Variants in GAREM2 observed in about 807,000 individuals in gnomAD.
The protein encoded by GAREM2 is GRB2-associated and regulator of MAPK protein 2.
GAREM2 carries 30 observed loss-of-function variants against 55.6 expected under a neutral mutation model. The observed-to-expected ratio is 0.54, with a 90% CI of 0.40 to 0.73. The LOEUF is 0.73. Ranked by LOEUF, GAREM2 falls within the 30% of genes least tolerant of loss-of-function variation. GAREM2 has a pLI of 0.00. For missense variants in GAREM2, 1,075 were observed against 1,257.7 expected (o/e 0.85, Z 2.20); for synonymous variants, 550 against 569.1 (o/e 0.97, Z 0.48).
chr2:26,176,536 G>C (rs1668871921), intron 2 of GAREM2, 52 bp downstream of exon 2: 2 of 1,427,314 alleles, frequency 1.4e-6, no homozygotes, highest in South Asian at 1.5e-5. Flanking sequence ...GTGTAGGCAG[G>C]AGGGACTGGG....
At position 26,187,889 on chromosome 2, in the gene GAREM2, G is replaced by A; in HGVS notation, c.2257G>A (p.Val753Ile). Residue 753 changes from valine (V) to isoleucine (I), a missense_variant, in exon 6 of 6, where the codon GTC becomes ATC. Val to Ile is a conservative substitution (Grantham distance 29). Around this residue, in one of 6 missense-constraint regions of GAREM2, gnomAD observed 142 missense variants for 172.3 expected, o/e 0.82. Transcript: ENST00000401533. The stretch of plus-strand genomic sequence containing the variant: ...GCCTGAAGGTTTGGTGCTGCACCAG[G>A]TCCCCACCCCACTGTCACCAGCTGC... ...FEPEGLVLHQVPTPLSPAALQ... is the reference protein window; with the variant it reads ...FEPEGLVLHQIPTPLSPAALQ... The A allele has an allele frequency of 7.0e-7, 1 of 1,438,360 alleles. No homozygotes were observed. The highest frequency in any genetic ancestry group is 1.5e-5 in the South Asian group (1 of 65,692). 89.1% of individuals were successfully genotyped at this position (1,438,360 alleles called of 1,614,324 possible).
Position 26,184,940 on chromosome 2 carries a change from G to C in GAREM2, c.1092G>C (p.Ala364=). The C allele has an allele frequency of 7.8e-7, 1 of 1,289,656 alleles. No individual in the cohort carries two copies. The highest frequency in any genetic ancestry group is 9.8e-7 in the Non-Finnish European group (1 of 1,020,512). The allele number at this position is 1,289,656 out of a possible 1,614,324, so 79.9% of individuals were successfully genotyped here. Residue 364 remains alanine, a synonymous_variant, in exon 4 of 6, where the codon GCG becomes GCC. Coordinates refer to ENST00000401533, the MANE Select transcript of GAREM2 (RefSeq NM_001168241.2). ...PDEYSTAVRE[A]PAELAEDCAS... The stretch of plus-strand genomic sequence containing the variant: ...AGTACTCCACGGCCGTGCGCGAGGC[G>C]CCAGCGGAGCTCGCCGAAGACTGCG...
At position 26,188,412 on chromosome 2, in the gene GAREM2, TGTG is replaced by T. The variant is rs140751160; in HGVS notation, c.*158_*160del. The T allele has an allele frequency of 8.0e-3, 4,369 of 544,808 alleles. 38 individuals are homozygous for T. The highest frequency in any genetic ancestry group is 0.011 in the Non-Finnish European group (3,643 of 326,686). 33.7% of individuals were successfully genotyped at this position (544,808 alleles called of 1,614,324 possible). A position where few individuals can be genotyped will look rare whatever the true frequency, so the allele number is the denominator to read the frequency against. On this transcript the variant is annotated 3_prime_UTR_variant, in exon 6 of 6. Transcript: ENST00000401533. ...GATCCAGGGGAGATGCATGTGGAAA[TGTG>T]GTCCTCTGGGGTCAGACCCCTGCAC...
the GAREM2 span, chr2:26,195,188 C>T: frequency 4.3e-6 from 7 of 1,611,984 alleles, no homozygotes; most frequent in South Asian, 7.7e-5. Flanking sequence ...TAATCTCCAG[C>T]AGCTGCATCT....
chr2:26,176,423 T>C lies in GAREM2; in HGVS notation c.192T>C (p.His64=), dbSNP rs1370489280. The C allele has an allele frequency of 1.3e-5, 20 of 1,550,374 alleles. No individual in the cohort carries two copies. The highest frequency in any genetic ancestry group is 1.7e-5 in the Non-Finnish European group (19 of 1,146,360). The part of the protein sequence containing the change: ...SCRQWTTVTA[H]TLEEGHYVIG... ...GGCAGTGGACAACGGTGACAGCTCA[T>C]ACCCTGGAGGAGGGCCACTATGTCA... Residue 64 remains histidine (H), a synonymous_variant, in exon 2 of 6, where the codon CAT becomes CAC. Coordinates refer to ENST00000401533, the MANE Select transcript of GAREM2 (RefSeq NM_001168241.2).
In GAREM2 at chr2:26,179,136, C is replaced by T. The variant is rs903825190; in HGVS notation, c.253+2652C>T. Among the ~76,000 whole-genome samples, 6 of 152,260 alleles carry T rather than the reference C, an allele frequency of 3.9e-5. No homozygotes were observed. The highest frequency in any genetic ancestry group is 4.8e-5 in the African/African-American group (2 of 41,556). ...GCGGGGTGACTCGGTCTCCAGGCTG[C>T]GGCGCTCTGCTCCGGGAGTCAGGGA... On this transcript the variant is annotated intron_variant, in intron 2 of 5. Coordinates refer to ENST00000401533, the MANE Select transcript of GAREM2 (RefSeq NM_001168241.2). This position sits in a 1 kb window ranked among gnomAD's most constrained non-coding sequence, Gnocchi z 4.7.
rs553396157 is a variant in GAREM2 at position 26,186,929 on chromosome 2, T to G, written c.1599-302T>G. Among the ~76,000 whole-genome samples the G allele has an allele frequency of 4.3e-4, 65 of 152,220 alleles. 1 individual carries two copies. The South Asian group carries it at 0.012, about 27-fold the overall frequency. ...GGTGGAGGTTGCAGTGAGCCAAGAT[T>G]GCACCACTGCACTCCAGCCTGGGCA... On this transcript the variant is annotated intron_variant, in intron 5 of 5. Coordinates refer to ENST00000401533, the MANE Select transcript of GAREM2 (RefSeq NM_001168241.2).
downstream of GAREM2, chr2:26,194,431 G>C: frequency 1.4e-6 from 1 of 719,958 alleles, no homozygotes; most frequent in Non-Finnish European, 2.6e-6. Context: ...TGTGCAGAGA[G>C]AGGGCACCAG....
At chr2:26,183,204 G>A (rs886784428) in intron 3 of GAREM2, 107 bp downstream of exon 3, 6 of 1,287,028 alleles carry the variant, frequency 4.7e-6, no homozygotes, top group Non-Finnish European at 6.5e-6. Flanking sequence ...AAGGAGAGCG[G>A]CTCCTGGGGA....
downstream of GAREM2, chr2:26,191,315 GTT>G: frequency 6.2e-7 from 1 of 1,613,882 alleles, no homozygotes; most frequent in East Asian, 2.2e-5. Flanking sequence ...GGGGTGAACT[GTT>G]TTCCATAGGC....
chr2:26,197,894 A>G, the GAREM2 span: 2 of 736,468 alleles, frequency 2.7e-6, no homozygotes, highest in East Asian at 2.5e-5. Flanking sequence ...ACAACTGCTC[A>G]GACAGTAGAT....
the GAREM2 span, among the ~76,000 whole-genome samples, chr2:26,197,313 C>T: frequency 6.6e-6 from 1 of 152,204 alleles, no homozygotes; most frequent in Non-Finnish European, 1.5e-5. Flanking sequence ...CCATTCCTGC[C>T]ATTCCCTGAT....
chr2:26,182,373 C>T (rs865885960), intron 2 of GAREM2: 32 of 1,537,068 alleles, frequency 2.1e-5, no homozygotes, highest in Middle Eastern at 4.0e-4. Context: ...GGTGTGGGAA[C>T]AGAGCTGGGG....
At position 26,187,385 on chromosome 2, in the gene GAREM2, C is replaced by T. The variant is rs531671860; in HGVS notation, c.1753C>T (p.Arg585Trp). The T allele has an allele frequency of 6.7e-5, 103 of 1,547,052 alleles. No homozygotes were observed. The Middle Eastern group carries it at 1.5e-3, about 23-fold the overall frequency. ...PSTTQPSQASRALTEPLSGRA... is the reference protein window; with the variant it reads ...PSTTQPSQASWALTEPLSGRA... ...AACCACACAGCCCAGCCAGGCCTCC[C>T]GGGCCCTCACAGAGCCTCTGAGCGG... Residue 585 changes from arginine (R) to tryptophan (W), a missense_variant, in exon 6 of 6, where the codon CGG (arginine) becomes TGG (tryptophan). This residue lies in a region of GAREM2 where 515 missense variants were observed against 501.5 expected (regional missense o/e 1.03). Coordinates refer to ENST00000401533, the MANE Select transcript of GAREM2 (RefSeq NM_001168241.2).
At position 26,184,644 on chromosome 2, in the gene GAREM2, A is replaced by C; in HGVS notation, c.796A>C (p.Asn266His). ...CATCGAGCGCGTGAGGCTGCCGGTG[A>C]ACGTGCTGGTGCCCAGCCGGCCGCC... The part of the protein sequence containing the change: ...AIIERVRLPV[N>H]VLVPSRPPRN... The change falls in exon 4 of 6, where the codon AAC (asparagine) becomes CAC (histidine). Residue 266 changes from asparagine to histidine, a missense_variant. Transcript: ENST00000401533. 5 of 1,546,252 alleles carry C rather than the reference A, an allele frequency of 3.2e-6. No individual in the cohort carries two copies. The highest frequency in any genetic ancestry group is 1.2e-5 in the South Asian group (1 of 83,712).
chr2:26,183,238 T>C (rs191756195), intron 3 of GAREM2, 141 bp downstream of exon 3: 1 of 821,772 alleles, frequency 1.2e-6, no homozygotes, highest in East Asian at 2.7e-5. Flanking sequence ...TTTGGCACAA[T>C]CAAGCCATGT....
At position 26,188,358 on chromosome 2, in the gene GAREM2, G is replaced by A; in HGVS notation, c.*101G>A. 1 of 928,656 alleles carries A rather than the reference G, an allele frequency of 1.1e-6. No individual in the cohort carries two copies. Among genetic ancestry groups the A allele is most frequent in the South Asian group, 2.0e-5 (1 of 49,220 alleles). The allele number at this position is 928,656 out of a possible 1,614,324, so 57.5% of individuals were successfully genotyped here. A position where few individuals can be genotyped will look rare whatever the true frequency, so the allele number is the denominator to read the frequency against. The stretch of plus-strand genomic sequence containing the variant: ...TGCCTGCAAGAAGGATCTATGTCGA[G>A]ACTGAGGCTGCTCAGCAGCCACTGG... On this transcript the variant is annotated 3_prime_UTR_variant, in exon 6 of 6. Coordinates refer to ENST00000401533, the MANE Select transcript of GAREM2 (RefSeq NM_001168241.2).
chr2:26,190,361 G>C (rs2147747645), downstream of GAREM2, among the ~76,000 whole-genome samples: 1 of 151,432 alleles, frequency 6.6e-6, no homozygotes, highest in East Asian at 2.0e-4. Context: ...CACTGCTTCT[G>C]TAGGAACTTT....
chr2:26,191,268 G>C, downstream of GAREM2: 1 of 1,612,744 alleles, frequency 6.2e-7, no homozygotes, highest in Non-Finnish European at 8.5e-7. Context: ...AGAACTTCTT[G>C]TTAGGGCTGT....
Sources: gnomAD v4.1 joint callset for allele counts (sites outside exome capture counted in the v4.1 genomes callset) on GRCh38, gnomAD v4.1.1 for gene constraint, gnomAD v4.1.1 regional missense constraint, Gnocchi (gnomAD v3.1) non-coding constraint, MANE v1.5 for transcripts, NCBI Gene and HGNC (gene_info 2026-07-23, HGNC 2026-07-21) for gene names.